ANXA4: variants seen among roughly 807,000 people sequenced by gnomAD.
ANXA4 encodes 35-beta calcimedin.
Under a neutral mutation model 49.8 loss-of-function variants are expected in ANXA4, and 39 were observed. The observed-to-expected ratio is 0.78, with a 90% CI of 0.61 to 1.02. The LOEUF is 1.02. Ranked by LOEUF, ANXA4 falls within the 50% of genes least tolerant of loss-of-function variation. The probability of loss-of-function intolerance (pLI) is 0.00; values close to 1 mark genes in which losing one functional copy is unlikely to be tolerated. For missense variants in ANXA4, 360 were observed against 410.1 expected (o/e 0.88, Z 1.05); for synonymous variants, 134 against 152.5 (o/e 0.88, Z 0.89).
At chr2:69,807,660 C>T (rs978033401) in intron 5 of ANXA4, among the ~76,000 whole-genome samples, 3 of 152,148 alleles carry the variant, frequency 2.0e-5, no homozygotes, top group South Asian at 4.1e-4. Flanking sequence ...GGGCAGAAAC[C>T]ATACCTACCC....
intron 2 of ANXA4, among the ~76,000 whole-genome samples, chr2:69,698,119 T>G (rs1338785189): frequency 6.6e-6 from 1 of 152,186 alleles, no homozygotes; most frequent in Non-Finnish European, 1.5e-5. Flanking sequence ...GCTTTCTGGT[T>G]CATAGTTGTT....
chr2:69,750,223 T>TA (rs566232520), intron 1 of ANXA4, among the ~76,000 whole-genome samples: 14 of 152,194 alleles, frequency 9.2e-5, no homozygotes, highest in Non-Finnish European at 1.9e-4. Flanking sequence ...TTTCCAACCT[T>TA]AAAATTAACA....
At chr2:69,754,202 G>A (rs1033649277) in intron 1 of ANXA4, among the ~76,000 whole-genome samples, 2 of 152,182 alleles carry the variant, frequency 1.3e-5, no homozygotes, top group Non-Finnish European at 2.9e-5. Flanking sequence ...TTTTAAAAGT[G>A]TTATAACTTC....
intron 1 of ANXA4, among the ~76,000 whole-genome samples, chr2:69,757,572 C>T (rs1203196611): frequency 1.3e-5 from 2 of 151,328 alleles, no homozygotes; most frequent in Non-Finnish European, 2.9e-5. Flanking sequence ...CATGCCCAGC[C>T]TTTTCTGTTA....
intron 1 of ANXA4, among the ~76,000 whole-genome samples, chr2:69,771,818 A>G (rs1349620719): frequency 6.6e-6 from 1 of 152,228 alleles, no homozygotes; most frequent in Admixed American, 6.5e-5. Context: ...TTATGAATTC[A>G]TTGTAAATTA....
intron 1 of ANXA4, among the ~76,000 whole-genome samples, chr2:69,779,107 CAAAAAAAAAAAAAAAA>C (rs70954359): frequency 2.2e-5 from 1 of 45,446 alleles, no homozygotes; most frequent in Non-Finnish European, 4.7e-5. Flanking sequence ...CACTCTGCCT[CAAAAAAAAAAAAAAAA>C]AAAAAAAAAA....
At chr2:69,654,330 G>A (rs576402399) in intron 2 of ANXA4, among the ~76,000 whole-genome samples, 4 of 152,182 alleles carry the variant, frequency 2.6e-5, no homozygotes, top group African/African-American at 7.2e-5. Flanking sequence ...TGTTGAATAG[G>A]AGCGGTGAGA....
chr2:69,653,271 GT>G (rs1676318543), exon 2 of ANXA4: 1 of 152,210 alleles, frequency 6.6e-6, no homozygotes, highest in Non-Finnish European at 1.5e-5. Context: ...TTTGTTACTG[GT>G]CCACAGTTAG....
At chr2:69,671,098 G>C (rs1677166937) in intron 2 of ANXA4, among the ~76,000 whole-genome samples, 1 of 148,678 alleles carries the variant, frequency 6.7e-6, no homozygotes, top group Non-Finnish European at 1.5e-5. Flanking sequence ...AAAATGTGAA[G>C]AGCAAATGTT....
At chr2:69,733,954 TA>T (rs765779092) in intron 3 of ANXA4, among the ~76,000 whole-genome samples, 1 of 151,374 alleles carries the variant, frequency 6.6e-6, no homozygotes, top group African/African-American at 2.5e-5. Flanking sequence ...TGGGATGAGC[TA>T]TTTTTTTTTT....
At chr2:69,683,778 A>G (rs1444817516) in intron 2 of ANXA4, among the ~76,000 whole-genome samples, 1 of 152,208 alleles carries the variant, frequency 6.6e-6, no homozygotes, top group African/African-American at 2.4e-5. Flanking sequence ...TTATGACAAC[A>G]CTTAGATGTG....
At chr2:69,810,540 G>T (rs534888888) in intron 6 of ANXA4, 54 bp from the exon 7 acceptor site, 1 of 1,455,776 alleles carries the variant, frequency 6.9e-7, no homozygotes, top group African/African-American at 1.4e-5. Context: ...GAGTGTGACA[G>T]GGCATTGGGC....
At chr2:69,751,794 G>A (rs1363366818) in intron 1 of ANXA4, among the ~76,000 whole-genome samples, 3 of 152,142 alleles carry the variant, frequency 2.0e-5, no homozygotes, top group Non-Finnish European at 2.9e-5. Context: ...AGGCAGGGGA[G>A]GCAGCTCAGA....
At chr2:69,682,630 G>A (rs760664571) in intron 2 of ANXA4, among the ~76,000 whole-genome samples, 2 of 152,148 alleles carry the variant, frequency 1.3e-5, no homozygotes, top group East Asian at 1.9e-4. Flanking sequence ...TTTTTTTAAT[G>A]TGGAATTGAC....
At chr2:69,676,835 G>C (rs1677429926) in intron 2 of ANXA4, among the ~76,000 whole-genome samples, 1 of 152,188 alleles carries the variant, frequency 6.6e-6, no homozygotes. Flanking sequence ...GGAGGTTGCA[G>C]TGAGCCAAGA....
chr2:69,779,099 C>T (rs1235924747), intron 1 of ANXA4, among the ~76,000 whole-genome samples: 27 of 104,588 alleles, frequency 2.6e-4, no homozygotes, highest in Middle Eastern at 8.8e-3. Context: ...CAGAGCAACA[C>T]TCTGCCTCAA....
intron 2 of ANXA4, among the ~76,000 whole-genome samples, chr2:69,696,507 T>G (rs891593921): frequency 6.6e-6 from 1 of 152,240 alleles, no homozygotes; most frequent in Non-Finnish European, 1.5e-5. Context: ...TCTGTTGATG[T>G]TGATAGTTTG....
At chr2:69,782,564 A>G (rs1672243823) in intron 2 of ANXA4, among the ~76,000 whole-genome samples, 1 of 152,138 alleles carries the variant, frequency 6.6e-6, no homozygotes, top group South Asian at 2.1e-4. Context: ...TATGTTGCCC[A>G]AGCTGGTCTC....
chr2:69,786,211 G>A (rs1017360356), intron 2 of ANXA4, among the ~76,000 whole-genome samples: 6 of 152,092 alleles, frequency 3.9e-5, no homozygotes, highest in Non-Finnish European at 1.5e-5. Flanking sequence ...AGCTGCTCAG[G>A]GGAAAAGATT....
Sources: allele counts gnomAD v4.1 joint callset (sites outside exome capture counted in the v4.1 genomes callset), GRCh38; gene constraint gnomAD v4.1.1; transcripts MANE v1.5; gene names NCBI Gene and HGNC (gene_info 2026-07-23, HGNC 2026-07-21).